Variants in GYG1 observed in about 807,000 individuals in gnomAD.
The protein encoded by GYG1 is glycogenin-1.
In GYG1, 44 loss-of-function variants were observed where a neutral mutation model predicts 41.9. That is an observed-to-expected ratio of 1.05 (90% CI 0.83 to 1.35). The LOEUF (loss-of-function observed/expected upper bound fraction) is 1.35, where lower values mean the gene tolerates loss of function less well. GYG1 is among the 40% of genes most tolerant of loss of function. The pLI is 0.00. For synonymous variants in GYG1, 141 were observed against 158.1 expected (o/e 0.89, Z 0.81); for missense variants, 429 against 418.9 (o/e 1.02, Z -0.21).
intron 5 of GYG1, among the ~76,000 whole-genome samples, chr3:149,014,561 A>C (rs1001933876): frequency 6.6e-6 from 1 of 151,858 alleles, no homozygotes; most frequent in African/African-American, 2.4e-5. Context: ...TTGGGAGGCC[A>C]AGGAGGGTGG....
rs1486086935 is a variant in GYG1, at chr3:149,028,796, C to G, written c.*1863C>G. Among the ~76,000 whole-genome samples the G allele has an allele frequency of 6.6e-6, 1 of 150,508 alleles. No individual in the cohort carries two copies. The highest frequency in any genetic ancestry group is 1.5e-5 in the Non-Finnish European group (1 of 67,818). ...AGTGCAGTGGTGCAGTCTCGGCTCA[C>G]TGCAACCTCTGCCTCCTGGATTCAA... On this transcript the variant is annotated 3_prime_UTR_variant, in exon 8 of 8. Transcript: ENST00000345003.
chr3:149,006,613 T>G (rs1385507292), intron 4 of GYG1, among the ~76,000 whole-genome samples: 1 of 152,228 alleles, frequency 6.6e-6, no homozygotes, highest in Non-Finnish European at 1.5e-5. Context: ...ATATCCCACA[T>G]GGATGTACCA....
intron 2 of GYG1, 130 bp downstream of exon 2, chr3:148,994,407 C>A: frequency 7.2e-6 from 7 of 968,420 alleles, no homozygotes; most frequent in Non-Finnish European, 1.2e-5. Context: ...ATGAGAGATG[C>A]TGAGTGCAGG....
At chr3:149,007,999 A>T (rs1461211385) in intron 4 of GYG1, 1 of 152,248 alleles carries the variant, frequency 6.6e-6, no homozygotes, top group African/African-American at 2.4e-5. Context: ...TCTGAGGAAG[A>T]TATGAAGTCC....
At chr3:149,017,650 C>T (rs1421813611) in intron 5 of GYG1, among the ~76,000 whole-genome samples, 1 of 116,038 alleles carries the variant, frequency 8.6e-6, no homozygotes, top group Non-Finnish European at 1.6e-5. Flanking sequence ...TGCTGGAGTG[C>T]AGTGGTGTGA....
chr3:149,005,561 C>T (rs1302539821), intron 4 of GYG1, among the ~76,000 whole-genome samples: 1 of 152,020 alleles, frequency 6.6e-6, no homozygotes, highest in South Asian at 2.1e-4. Flanking sequence ...GAATATAAGT[C>T]GTTTAAATTT....
chr3:149,008,371 A>G (rs1707240288), intron 4 of GYG1: 1 of 152,670 alleles, frequency 6.6e-6, no homozygotes, highest in Non-Finnish European at 1.5e-5. Context: ...CGCCGAGTCC[A>G]CTTACTCAGG....
chr3:149,024,860 T>C (rs1455086871), intron 6 of GYG1, among the ~76,000 whole-genome samples: 3 of 152,220 alleles, frequency 2.0e-5, no homozygotes, highest in African/African-American at 7.2e-5. Flanking sequence ...AAAGGTCTTC[T>C]CTGAGGTTTG....
intron 4 of GYG1, chr3:149,001,584 G>A (rs1312106304): frequency 1.3e-5 from 2 of 152,204 alleles, no homozygotes. Flanking sequence ...TTTCTCAACA[G>A]TCCTGTGAGG....
intron 4 of GYG1, chr3:149,008,959 T>G: frequency 3.5e-6 from 1 of 288,334 alleles, no homozygotes; most frequent in Non-Finnish European, 6.7e-6. Flanking sequence ...GGGGTTCGAG[T>G]CCAGCCTGGC....
intron 3 of GYG1, 129 bp from the exon 4 acceptor site, chr3:148,996,613 T>C: frequency 8.4e-7 from 1 of 1,192,750 alleles, no homozygotes. Flanking sequence ...TGTCAGGGGA[T>C]GAAGGAGAGG....
In GYG1 at chr3:149,009,416, G is replaced by C. The variant is rs200902926; in HGVS notation, c.608+14G>C. ...GGCATTTAAAGTGTAAGTGCAGATG[G>C]TTTAACTATTGTTGGAGATGTTGAG... On this transcript the variant is annotated intron_variant, in intron 5 of 7. Transcript: ENST00000345003. 998 of 1,613,230 alleles carry C rather than the reference G, an allele frequency of 6.2e-4. 5 individuals carry two copies. The African/African-American group carries it at 0.012, about 20-fold the overall frequency.
Position 148,996,384 on chromosome 3 carries a change from A to T in GYG1, c.226A>T (p.Lys76Ter). The T allele has an allele frequency of 6.2e-7, 1 of 1,612,608 alleles. No homozygotes were observed. The highest frequency in any genetic ancestry group is 2.2e-5 in the East Asian group (1 of 44,872). ...SGDSAHLTLM[K>*]RPELGVTLTK... ...CGATTCTGCTCATCTAACCTTAATGAAGAGGCCAGAGTTGGGTGTCACGCT... is the reference window on the plus strand; with the variant it reads ...CGATTCTGCTCATCTAACCTTAATGTAGAGGCCAGAGTTGGGTGTCACGCT... Residue 76 changes from lysine (K) to a stop codon, truncating the protein, a stop_gained, in exon 3 of 8, where the codon AAG becomes TAG. Transcript: ENST00000345003. LOFTEE classifies it high-confidence loss of function.
At chr3:148,992,721 G>A (rs971882165) in intron 1 of GYG1, 1 of 152,238 alleles carries the variant, frequency 6.6e-6, no homozygotes, top group Non-Finnish European at 1.5e-5. Context: ...ACAGGCGGAT[G>A]TTGATGGGCC....
chr3:149,019,154 C>CT (rs1483105879), intron 5 of GYG1, among the ~76,000 whole-genome samples: 2 of 151,904 alleles, frequency 1.3e-5, no homozygotes, highest in Admixed American at 6.6e-5. Flanking sequence ...AGAAACAGGG[C>CT]TGAGCATACC....
chr3:148,992,999 A>G (rs1712576254), intron 1 of GYG1, among the ~76,000 whole-genome samples: 1 of 152,034 alleles, frequency 6.6e-6, no homozygotes, highest in Admixed American at 6.5e-5. Context: ...GCAAGGGAGA[A>G]TGAGGGAAAG....
chr3:149,024,510 C>G (rs1003880177), intron 6 of GYG1, among the ~76,000 whole-genome samples: 2 of 152,000 alleles, frequency 1.3e-5, no homozygotes, highest in African/African-American at 2.4e-5. Flanking sequence ...CTGTATATAC[C>G]CATATATTTT....
At chr3:149,004,625 TC>T (rs1168815536) in intron 4 of GYG1, among the ~76,000 whole-genome samples, 1 of 152,226 alleles carries the variant, frequency 6.6e-6, no homozygotes, top group African/African-American at 2.4e-5. Flanking sequence ...TTATTTTTAA[TC>T]CACAATTTTG....
intron 5 of GYG1, among the ~76,000 whole-genome samples, chr3:149,017,582 G>GTTTTTTTTTTTTTTTTTTTTTTT (rs58075146): frequency 4.2e-5 from 2 of 47,330 alleles, no homozygotes; most frequent in African/African-American, 1.1e-4. Context: ...TTTTATTTAG[G>GTTTTTTTTTTTTTTTTTTTTTTT]TTTTTTTTTT....
Sources: allele counts gnomAD v4.1 joint callset (sites outside exome capture counted in the v4.1 genomes callset), GRCh38; gene constraint gnomAD v4.1.1; transcripts MANE v1.5; gene names NCBI Gene and HGNC (gene_info 2026-07-23, HGNC 2026-07-21).